Variants in COA8 observed in about 807,000 individuals in gnomAD.
COA8 encodes the protein UPF0671 protein C14orf153.
A neutral mutation model predicts 22.0 loss-of-function variants in COA8; 20 were observed. The observed-to-expected ratio is 0.91, with a 90% CI of 0.64 to 1.32. The LOEUF (loss-of-function observed/expected upper bound fraction) is 1.32. Ranked by LOEUF, COA8 falls within the 40% of genes most tolerant of loss-of-function variation. The probability of loss-of-function intolerance (pLI) is 0.00; values close to 1 mark genes in which losing one functional copy is unlikely to be tolerated. For synonymous variants in COA8, 105 were observed against 79.9 expected, an observed-to-expected ratio of 1.31 and a Z score of -1.68; for missense variants, 266 against 230.0, an observed-to-expected ratio of 1.16 and a Z score of -1.01.
At position 103,572,774 on chromosome 14, in the gene COA8, C is replaced by CT. The variant is rs1555413022; in HGVS notation, c.321+954_321+955insT. 2.9e-5 allele frequency among the ~76,000 whole-genome samples: 4 copies of CT among 139,604 alleles called. No individual in the cohort carries two copies. In the Admixed American group the frequency reaches 2.9e-4, roughly 10 times the overall value. The allele number at this position is 139,604 out of a possible 152,430, so 91.6% of individuals were successfully genotyped here. On this transcript the variant is annotated intron_variant, in intron 2 of 4. Transcript: ENST00000409074. Reference sequence around the variant, plus strand: ...TGTGTTGTCATTCTTCCTGAGAATTCAAAAAAAAAAAAATTTTTTTCTTTT... The same window carrying CT: ...TGTGTTGTCATTCTTCCTGAGAATTCTAAAAAAAAAAAAATTTTTTTCTTTT...
chr14:103,585,076 T>A (rs926051651), intron 3 of COA8, among the ~76,000 whole-genome samples: 5 of 151,970 alleles, frequency 3.3e-5, no homozygotes, highest in African/African-American at 1.2e-4. Context: ...AGGCAGAGTT[T>A]GCAGTGAGCC....
chr14:103,586,223 A>T (rs1042050038), intron 3 of COA8, among the ~76,000 whole-genome samples: 2 of 49,272 alleles, frequency 4.1e-5, no homozygotes, highest in Admixed American at 2.2e-4. Flanking sequence ...TTTTTTTTTT[A>T]ACGAGACAGG....
intron 1 of COA8, among the ~76,000 whole-genome samples, chr14:103,571,139 G>C (rs2076181089): frequency 6.6e-6 from 1 of 152,150 alleles, no homozygotes; most frequent in African/African-American, 2.4e-5. Flanking sequence ...GCCTGGTAGG[G>C]TCTCTCATTA....
At chr14:103,576,317 AAAAG>A (rs1442634771) in intron 3 of COA8, among the ~76,000 whole-genome samples, 4 of 152,092 alleles carry the variant, frequency 2.6e-5, no homozygotes, top group South Asian at 2.1e-4. Flanking sequence ...AAAAAATAAA[AAAAG>A]AAAGTCGATT....
chr14:103,565,501 TTC>T lies in COA8; in HGVS notation c.123+2379_123+2380del, dbSNP rs543442976. Among the ~76,000 whole-genome samples the T allele has an allele frequency of 1.2e-4, 18 of 152,258 alleles. No individual in the cohort carries two copies. The South Asian group carries it at 3.7e-3, about 32-fold the overall frequency. Reference sequence around the variant, plus strand: ...GTAAGAATTAGTCTGACTCTTTTAGTTCTTTTTTTTTCTTTAATCCGGAAGTT... The same window carrying T: ...GTAAGAATTAGTCTGACTCTTTTAGTTTTTTTTTTCTTTAATCCGGAAGTT... On this transcript the variant is annotated intron_variant, in intron 1 of 4. Coordinates refer to ENST00000409074, the MANE Select transcript of COA8 (RefSeq NM_001370595.2).
chr14:103,570,257 T>A (rs2076172613), intron 1 of COA8, among the ~76,000 whole-genome samples: 1 of 152,180 alleles, frequency 6.6e-6, no homozygotes, highest in South Asian at 2.1e-4. Flanking sequence ...AATCCTGCCT[T>A]TACTTTCTAA....
chr14:103,579,880 C>T (rs1343248552), intron 3 of COA8, among the ~76,000 whole-genome samples: 1 of 146,492 alleles, frequency 6.8e-6, no homozygotes, highest in African/African-American at 2.5e-5. Flanking sequence ...GGAGAATCAT[C>T]TGAACCTGGG....
chr14:103,573,886 CAA>C (rs1235471801), intron 2 of COA8, among the ~76,000 whole-genome samples: 1 of 152,072 alleles, frequency 6.6e-6, no homozygotes, highest in African/African-American at 2.4e-5. Context: ...CAGCGTCTCC[CAA>C]AGTTTATTGA....
At chr14:103,564,952 G>C (rs906926665) in intron 1 of COA8, among the ~76,000 whole-genome samples, 2 of 151,766 alleles carry the variant, frequency 1.3e-5, no homozygotes, top group African/African-American at 4.8e-5. Context: ...TCTCTGCCTT[G>C]TTCGTTTTTT....
rs1019681865 is a variant in COA8, at chr14:103,577,614, C to A, written c.385+3444C>A. ...CATGTGAGAGCCAGGCTTGGTGGCTCATACCTGTAATCCCACCACTTTGTG... is the reference window on the plus strand; with the variant it reads ...CATGTGAGAGCCAGGCTTGGTGGCTAATACCTGTAATCCCACCACTTTGTG... On this transcript the variant is annotated intron_variant, in intron 3 of 4. Transcript: ENST00000409074. 1.3e-5 allele frequency among the ~76,000 whole-genome samples: 2 copies of A among 152,078 alleles called. 1 individual carries two copies. The highest frequency in any genetic ancestry group is 1.3e-4 in the Admixed American group (2 of 15,250).
chr14:103,565,608 T>G (rs997496385), intron 1 of COA8, among the ~76,000 whole-genome samples: 1 of 150,602 alleles, frequency 6.6e-6, no homozygotes, highest in African/African-American at 2.4e-5. Flanking sequence ...CCTCCCCACC[T>G]TTTTTTTTAA....
intron 1 of COA8, chr14:103,563,372 G>A: frequency 1.5e-6 from 1 of 676,132 alleles, no homozygotes; most frequent in Non-Finnish European, 2.7e-6. Flanking sequence ...GCGTAACAGA[G>A]TCACCTGGCA....
In COA8 at chr14:103,564,392, A is replaced by G. The variant is rs578089770; in HGVS notation, c.123+1268A>G. On this transcript the variant is annotated intron_variant, in intron 1 of 4. Transcript: ENST00000409074. ...CCTAGAACATAGAAACCCACCCAGC[A>G]TCTCTATCTTTGGGCAGAAAGATAG... is the stretch of plus-strand genomic sequence containing the variant. Among the ~76,000 whole-genome samples the G allele has an allele frequency of 2.6e-5, 4 of 152,172 alleles. No homozygotes were observed. In the East Asian group the frequency reaches 7.7e-4, roughly 29 times the overall value.
intron 1 of COA8, among the ~76,000 whole-genome samples, chr14:103,565,910 T>C (rs1206988657): frequency 6.6e-6 from 1 of 152,044 alleles, no homozygotes; most frequent in Non-Finnish European, 1.5e-5. Context: ...CCACTGTGCC[T>C]GGCCCAAAGT....
chr14:103,563,061 C>T lies in COA8; in HGVS notation c.60C>T (p.Ala20=), dbSNP rs1319230551. 4 of 1,541,028 alleles carry T rather than the reference C, an allele frequency of 2.6e-6. No individual in the cohort carries two copies. The highest frequency in any genetic ancestry group is 3.5e-6 in the Non-Finnish European group (4 of 1,148,392). The change falls in exon 1 of 5, where the codon GCC becomes GCT. Residue 20 remains alanine, a synonymous_variant. Coordinates refer to ENST00000409074, the MANE Select transcript of COA8 (RefSeq NM_001370595.2). ...TFLPPLCRAF[A]CRGCQLAPER... ...TCCCCCCTCTCTGCCGCGCCTTCGC[C>T]TGCCGCGGCTGTCAACTCGCTCCGG...
At chr14:103,585,190 A>T (rs1379101391) in intron 3 of COA8, among the ~76,000 whole-genome samples, 1 of 151,626 alleles carries the variant, frequency 6.6e-6, no homozygotes, top group Non-Finnish European at 1.5e-5. Context: ...AGATAAAAAG[A>T]GTTCTTGGCC....
chr14:103,580,110 T>G (rs944268896), intron 3 of COA8, among the ~76,000 whole-genome samples: 1 of 152,140 alleles, frequency 6.6e-6, no homozygotes, highest in Admixed American at 6.6e-5. Context: ...AAAGCCTTGC[T>G]CTGCCACTCA....
chr14:103,585,884 T>C (rs2076302994), intron 3 of COA8, among the ~76,000 whole-genome samples: 1 of 150,576 alleles, frequency 6.6e-6, no homozygotes, highest in African/African-American at 2.4e-5. Flanking sequence ...CGGCCCTTTT[T>C]TGTTGTTTTT....
chr14:103,571,375 A>G (rs1243471057), intron 1 of COA8, among the ~76,000 whole-genome samples: 1 of 152,088 alleles, frequency 6.6e-6, no homozygotes, highest in African/African-American at 2.4e-5. Flanking sequence ...TCTCAAAAAA[A>G]AAAAAGAAAG....
Sources: gnomAD v4.1 joint callset for allele counts (sites outside exome capture counted in the v4.1 genomes callset) on GRCh38, gnomAD v4.1.1 for gene constraint, MANE v1.5 for transcripts, NCBI Gene and HGNC (gene_info 2026-07-23, HGNC 2026-07-21) for gene names.